ASB4: variants seen among roughly 807,000 people sequenced by gnomAD.
ASB4 encodes the protein ankyrin repeat and SOCS box protein 4.
ASB4 carries 35 observed loss-of-function variants against 38.6 expected under a neutral mutation model. That is an observed-to-expected ratio of 0.91 (90% CI 0.69 to 1.20). The LOEUF is 1.20. ASB4 is among the 50% of genes most tolerant of loss of function. The probability of loss-of-function intolerance (pLI) is 0.00; values close to 1 mark genes in which losing one functional copy is unlikely to be tolerated. For synonymous variants in ASB4, 195 were observed against 201.3 expected (o/e 0.97, Z 0.26); for missense variants, 557 against 527.2 (o/e 1.06, Z -0.55).
At chr7:95,488,704 A>AT (rs1790129124) in intron 1 of ASB4, among the ~76,000 whole-genome samples, 1 of 152,188 alleles carries the variant, frequency 6.6e-6, no homozygotes, top group Non-Finnish European at 1.5e-5. Context: ...CTGCTCTTTG[A>AT]TTTTTTTAAA....
chr7:95,501,244 G>A (rs371984012), intron 2 of ASB4, among the ~76,000 whole-genome samples: 2 of 152,292 alleles, frequency 1.3e-5, no homozygotes, highest in South Asian at 2.1e-4. Flanking sequence ...CTGCAGGAAA[G>A]CCATAAAAAT....
At chr7:95,519,014 G>A (rs1012656482) in intron 2 of ASB4, among the ~76,000 whole-genome samples, 1 of 152,182 alleles carries the variant, frequency 6.6e-6, no homozygotes, top group Non-Finnish European at 1.5e-5. Context: ...AATGGTTCTT[G>A]TTGCTCTAGA....
chr7:95,500,928 T>A (rs933461086), intron 2 of ASB4, among the ~76,000 whole-genome samples: 2 of 152,110 alleles, frequency 1.3e-5, no homozygotes, highest in Non-Finnish European at 2.9e-5. Context: ...AGGGACAAGG[T>A]TAGGCATAAT....
chr7:95,511,085 C>A (rs1790472666), intron 2 of ASB4, among the ~76,000 whole-genome samples: 1 of 152,050 alleles, frequency 6.6e-6, no homozygotes, highest in South Asian at 2.1e-4. Context: ...TTAAGCTAAC[C>A]AAGAAAACAT....
chr7:95,511,673 A>T (rs1364935582), intron 2 of ASB4, among the ~76,000 whole-genome samples: 3 of 151,926 alleles, frequency 2.0e-5, no homozygotes, highest in South Asian at 2.1e-4. Flanking sequence ...AAAAAAAAAA[A>T]ATAAATAAAT....
chr7:95,519,932 G>A (rs958161435), intron 2 of ASB4, among the ~76,000 whole-genome samples: 1 of 151,908 alleles, frequency 6.6e-6, no homozygotes, highest in Admixed American at 6.6e-5. Flanking sequence ...AATACATAAA[G>A]AGATGTTTTC....
intron 1 of ASB4, among the ~76,000 whole-genome samples, chr7:95,486,837 A>T (rs971907549): frequency 2.6e-5 from 4 of 151,772 alleles, no homozygotes; most frequent in East Asian, 3.9e-4. Context: ...AATTAGACCA[A>T]TTTTTTTTTA....
intron 1 of ASB4, among the ~76,000 whole-genome samples, chr7:95,478,760 C>T (rs76892510): frequency 0.032 from 4,819 of 152,206 alleles, 239 homozygotes; most frequent in African/African-American, 0.11. Flanking sequence ...CGAAGATGTG[C>T]TTGCGTAGGA....
chr7:95,530,820 A>G (rs1790810481), intron 3 of ASB4, among the ~76,000 whole-genome samples: 1 of 152,202 alleles, frequency 6.6e-6, no homozygotes, highest in Non-Finnish European at 1.5e-5. Context: ...ACTGCCTTTC[A>G]GAGAATAACT....
At chr7:95,528,470 A>G (rs1790776622) in intron 3 of ASB4, 167 bp downstream of exon 3, 1 of 1,445,900 alleles carries the variant, frequency 6.9e-7, no homozygotes, top group South Asian at 1.5e-5. Flanking sequence ...TCCTCATCTC[A>G]TCCTAGTCTA....
At chr7:95,504,948 G>A (rs1585803707) in intron 2 of ASB4, among the ~76,000 whole-genome samples, 1 of 152,100 alleles carries the variant, frequency 6.6e-6, no homozygotes, top group East Asian at 1.9e-4. Flanking sequence ...CATGTTCCAC[G>A]AAAAATCATA....
At position 95,486,005 on chromosome 7, in the gene ASB4, G is replaced by A; in HGVS notation, c.34G>A (p.Gly12Arg). The A allele has an allele frequency of 6.2e-7, 1 of 1,614,026 alleles. No homozygotes were observed. The highest frequency in any genetic ancestry group is 1.7e-5 in the Admixed American group (1 of 60,012). Reference sequence around the variant, plus strand: ...CACCACTGCCCCTGTCACTAAATCTGGAGCTGCCAAGTTAGTTAAGAGAAA... The same window carrying A: ...CACCACTGCCCCTGTCACTAAATCTAGAGCTGCCAAGTTAGTTAAGAGAAA... ...DGTTAPVTKS[G>R]AAKLVKRNFL... is the part of the protein sequence containing the mutation. Residue 12 changes from glycine to arginine, a missense_variant, in exon 1 of 5, where the codon GGA becomes AGA. Physicochemically the swap from Gly to Arg is moderately radical, Grantham distance 125. Coordinates refer to ENST00000325885, the MANE Select transcript of ASB4 (RefSeq NM_016116.3).
chr7:95,476,548 C>T (rs1330360646), upstream of ASB4, among the ~76,000 whole-genome samples: 1 of 152,186 alleles, frequency 6.6e-6, no homozygotes, highest in African/African-American at 2.4e-5. Context: ...CTAGAAAAGA[C>T]CAGGGCTGGG....
At chr7:95,505,693 C>G (rs528265318) in intron 2 of ASB4, among the ~76,000 whole-genome samples, 146 of 143,522 alleles carry the variant, frequency 1.0e-3, no homozygotes, top group African/African-American at 3.6e-3. Context: ...GTGTCCCCCC[C>G]CCCCCAAATA....
At chr7:95,545,512 CTTCT>C in the ASB4 span, among the ~76,000 whole-genome samples, 3 of 152,226 alleles carry the variant, frequency 2.0e-5, no homozygotes, top group Non-Finnish European at 2.9e-5. Context: ...TTCAATTTCC[CTTCT>C]TTCTTTCTTC....
At chr7:95,490,975 T>A (rs1036733816) in intron 1 of ASB4, among the ~76,000 whole-genome samples, 6 of 152,182 alleles carry the variant, frequency 3.9e-5, no homozygotes, top group African/African-American at 1.4e-4. Context: ...TTGGGGGCAA[T>A]GGAGTTTGAG....
intron 2 of ASB4, among the ~76,000 whole-genome samples, chr7:95,523,543 T>G (rs989043568): frequency 6.6e-5 from 10 of 152,196 alleles, no homozygotes; most frequent in Non-Finnish European, 1.3e-4. Flanking sequence ...TCTTTAAGTG[T>G]GTAATATACT....
At chr7:95,519,142 A>G (rs918152190) in intron 2 of ASB4, among the ~76,000 whole-genome samples, 1 of 152,204 alleles carries the variant, frequency 6.6e-6, no homozygotes, top group Non-Finnish European at 1.5e-5. Flanking sequence ...AAGACACAAG[A>G]GAATATATTT....
intron 2 of ASB4, among the ~76,000 whole-genome samples, chr7:95,515,543 G>A (rs1304999586): frequency 2.0e-5 from 3 of 151,594 alleles, no homozygotes; most frequent in African/African-American, 4.9e-5. Flanking sequence ...AGCCTCCAGA[G>A]TAGCTGGGAT....
Sources: gnomAD v4.1 joint callset for allele counts (sites outside exome capture counted in the v4.1 genomes callset) on GRCh38, gnomAD v4.1.1 for gene constraint, MANE v1.5 for transcripts, NCBI Gene and HGNC (gene_info 2026-07-23, HGNC 2026-07-21) for gene names.